Variants in PPP1R12B observed in about 807,000 individuals in gnomAD.
PPP1R12B encodes protein phosphatase 1 regulatory subunit 12B.
PPP1R12B carries 76 observed loss-of-function variants against 126.1 expected under a neutral mutation model. The observed-to-expected ratio is 0.60, with a 90% CI of 0.50 to 0.73. PPP1R12B has a LOEUF of 0.73. Among genes scored for constraint, PPP1R12B ranks in the 30% least tolerant of loss-of-function variants. PPP1R12B has a pLI of 0.00. For missense variants in PPP1R12B, 1,052 were observed against 1,205.1 expected (o/e 0.87, Z 1.88); for synonymous variants, 356 against 434.7 (o/e 0.82, Z 2.25).
intron 18 of PPP1R12B, among the ~76,000 whole-genome samples, chr1:202,510,140 A>G (rs1348623744): frequency 7.9e-5 from 12 of 152,240 alleles, no homozygotes; most frequent in African/African-American, 2.9e-4. Context: ...ACTTTGGACT[A>G]AAACTAATGA....
Position 202,496,785 on chromosome 1 carries a change from A to G in PPP1R12B, c.2453A>G (p.Asp818Gly). The G allele has an allele frequency of 6.2e-7, 1 of 1,611,936 alleles. No homozygotes were observed. The highest frequency in any genetic ancestry group is 8.5e-7 in the Non-Finnish European group (1 of 1,178,350). Residue 818 changes from aspartate to glycine, a missense_variant, in exon 18 of 24, where the codon GAT (aspartate) becomes GGT (glycine). By Grantham distance (94) the Asp-to-Gly change is moderately conservative (BLOSUM62 -1). Coordinates refer to ENST00000608999, the MANE Select transcript of PPP1R12B (RefSeq NM_002481.4). ...TGINFWTKDEDETDGSEEVKE... is the reference protein window; with the variant it reads ...TGINFWTKDEGETDGSEEVKE... The stretch of plus-strand genomic sequence containing the variant: ...TTCTTCCCTTTTCTTTTTTAGGAGG[A>G]TGAAACTGATGGCTCTGAAGAGGTC...
In PPP1R12B at chr1:202,476,905, G is replaced by A. The variant is rs374712568; in HGVS notation, c.1851-11628G>A. Among the ~76,000 whole-genome samples the A allele has an allele frequency of 6.3e-4, 96 of 152,018 alleles. No individual in the cohort carries two copies. In the South Asian group the frequency reaches 0.011, roughly 17 times the overall value. On this transcript the variant is annotated intron_variant, in intron 13 of 23. Coordinates refer to ENST00000608999, the MANE Select transcript of PPP1R12B (RefSeq NM_002481.4). ...TTGTTATCATTCTAGAGAAAGCAGCGTTGTTCTCTCCTTGGAAATTATGAT... is the reference window on the plus strand; with the variant it reads ...TTGTTATCATTCTAGAGAAAGCAGCATTGTTCTCTCCTTGGAAATTATGAT...
At chr1:202,547,609 T>G (rs1685785356) in intron 18 of PPP1R12B, among the ~76,000 whole-genome samples, 1 of 152,202 alleles carries the variant, frequency 6.6e-6, no homozygotes, top group African/African-American at 2.4e-5. Flanking sequence ...TATTCTAGAT[T>G]TAAATAAAAT....
At chr1:202,352,260 T>A (rs60724955) in intron 1 of PPP1R12B, among the ~76,000 whole-genome samples, 2 of 152,234 alleles carry the variant, frequency 1.3e-5, no homozygotes, top group African/African-American at 4.8e-5. Flanking sequence ...AAATTTTTTC[T>A]TTTATTTATT....
At chr1:202,560,478 A>G (rs1404519583) in intron 19 of PPP1R12B, among the ~76,000 whole-genome samples, 2 of 152,196 alleles carry the variant, frequency 1.3e-5, no homozygotes, top group East Asian at 3.8e-4. Flanking sequence ...TTTAGACCAT[A>G]TGTTGTAACT....
chr1:202,530,753 C>G (rs1683851152), intron 18 of PPP1R12B, among the ~76,000 whole-genome samples: 1 of 152,214 alleles, frequency 6.6e-6, no homozygotes, highest in Non-Finnish European at 1.5e-5. Flanking sequence ...ATAGCACCAT[C>G]TCTTCTCCCT....
At chr1:202,407,066 A>G (rs1314135382) in intron 1 of PPP1R12B, among the ~76,000 whole-genome samples, 1 of 152,218 alleles carries the variant, frequency 6.6e-6, no homozygotes, top group East Asian at 1.9e-4. Context: ...TGAGCTCTTC[A>G]TCTTCTTTCT....
At chr1:202,550,772 G>T (rs3767404) in intron 18 of PPP1R12B, among the ~76,000 whole-genome samples, 1 of 152,040 alleles carries the variant, frequency 6.6e-6, no homozygotes, top group Non-Finnish European at 1.5e-5. Flanking sequence ...CATGTGAAAG[G>T]CTCGATGGAA....
chr1:202,368,347 TC>T (rs900469789), intron 1 of PPP1R12B, among the ~76,000 whole-genome samples: 4 of 152,168 alleles, frequency 2.6e-5, no homozygotes, highest in African/African-American at 9.7e-5. Flanking sequence ...ATGTGCTTGC[TC>T]CGCTTCGCCC....
intron 23 of PPP1R12B, chr1:202,575,030 C>T (rs765400711): frequency 6.2e-7 from 1 of 1,613,314 alleles, no homozygotes; most frequent in Non-Finnish European, 8.5e-7. Flanking sequence ...CAGATTCAAA[C>T]CTTGAAGCAG....
chr1:202,429,948 C>G (rs1241459070), intron 6 of PPP1R12B, among the ~76,000 whole-genome samples: 1 of 152,170 alleles, frequency 6.6e-6, no homozygotes, highest in Non-Finnish European at 1.5e-5. Flanking sequence ...AAAACTCATA[C>G]AAACACAACT....
intron 18 of PPP1R12B, among the ~76,000 whole-genome samples, chr1:202,546,670 T>TG (rs1041977348): frequency 1.7e-4 from 26 of 152,118 alleles, no homozygotes; most frequent in African/African-American, 5.8e-4. Context: ...TGCTGTTGAG[T>TG]GGGGAAATGG....
At chr1:202,499,457 G>A (rs1208494461) in intron 18 of PPP1R12B, among the ~76,000 whole-genome samples, 3 of 152,102 alleles carry the variant, frequency 2.0e-5, no homozygotes, top group South Asian at 2.1e-4. Flanking sequence ...GTTTCACCAC[G>A]TTGCCCAGGC....
chr1:202,352,882 C>T (rs1257274225), intron 1 of PPP1R12B, among the ~76,000 whole-genome samples: 1 of 77,166 alleles, frequency 1.3e-5, no homozygotes, highest in African/African-American at 5.1e-5. Flanking sequence ...AGTGAGACTC[C>T]GTTTCAAAAA....
chr1:202,535,580 G>T (rs773956776), intron 18 of PPP1R12B, among the ~76,000 whole-genome samples: 3 of 152,098 alleles, frequency 2.0e-5, no homozygotes, highest in Admixed American at 6.5e-5. Context: ...CTGTTGAGCC[G>T]ACTACCTGGT....
At position 202,555,879 on chromosome 1, in the gene PPP1R12B, T is replaced by TC. The variant is rs1438576065; in HGVS notation, c.2491-2998_2491-2997insC. ...AGCATCAATAGCCAATATAATATTCTTTTTTTTTTTTTTTGAGACAGAGTC... is the reference window on the plus strand; with the variant it reads ...AGCATCAATAGCCAATATAATATTCTCTTTTTTTTTTTTTTGAGACAGAGTC... On this transcript the variant is annotated intron_variant, in intron 18 of 23. Transcript: ENST00000608999. Among the ~76,000 whole-genome samples the TC allele has an allele frequency of 9.4e-5, 13 of 137,648 alleles. No individual in the cohort carries two copies. The East Asian group carries it at 1.4e-3, about 15-fold the overall frequency. The allele number at this position is 137,648 out of a possible 152,430, so 90.3% of individuals were successfully genotyped here. A position where few individuals can be genotyped will look rare whatever the true frequency, so the allele number is the denominator to read the frequency against.
rs572568969 is a variant in PPP1R12B at position 202,449,263 on chromosome 1, C to T, written c.1850+92C>T. ...AAAGTGTTTTTCCCAATTTCAAATA[C>T]GTTTATGAAAATATGTCTTTTTTTT... On this transcript the variant is annotated intron_variant, in intron 13 of 23. Transcript: ENST00000608999. 3.4e-4 allele frequency: 501 copies of T among 1,457,156 alleles called. 1 individual carries two copies. The African/African-American group carries it at 6.2e-3, about 18-fold the overall frequency. The allele number at this position is 1,457,156 out of a possible 1,614,324, so 90.3% of individuals were successfully genotyped here.
At chr1:202,540,247 C>T (rs1197656161) in intron 18 of PPP1R12B, 1 of 1,574,750 alleles carries the variant, frequency 6.4e-7, no homozygotes, top group Admixed American at 1.7e-5. Context: ...TCCGAGTAAG[C>T]AGCATTTTTT....
Position 202,360,474 on chromosome 1 carries a change from C to T in PPP1R12B, c.291+11332C>T, listed in dbSNP as rs1009833375. On this transcript the variant is annotated intron_variant, in intron 1 of 23. Transcript: ENST00000608999. ...CTGTAATCACAGCACTTTGGGAGGC[C>T]GAGGTGGGAGGATCACCTGAGGTCA... Among the ~76,000 whole-genome samples the T allele has an allele frequency of 3.9e-5, 6 of 151,960 alleles. No individual in the cohort carries two copies. The East Asian group carries it at 5.8e-4, about 15-fold the overall frequency.
Sources: gnomAD v4.1 joint callset for allele counts (sites outside exome capture counted in the v4.1 genomes callset) on GRCh38, gnomAD v4.1.1 for gene constraint, MANE v1.5 for transcripts, NCBI Gene and HGNC (gene_info 2026-07-23, HGNC 2026-07-21) for gene names.